ZNF385D: variants seen among roughly 807,000 people sequenced by gnomAD.
ZNF385D encodes the protein zinc finger protein 385D.
Under a neutral mutation model 35.8 loss-of-function variants are expected in ZNF385D, and 15 were observed. That is an observed-to-expected ratio of 0.42 (90% CI 0.28 to 0.64). The LOEUF is 0.64. ZNF385D is among the 30% of genes least tolerant of loss of function. The pLI is 0.23. For synonymous variants in ZNF385D, 212 were observed against 186.8 expected (o/e 1.13, Z -1.10); for missense variants, 474 against 494.6 (o/e 0.96, Z 0.39).
intron 3 of ZNF385D, among the ~76,000 whole-genome samples, chr3:21,819,473 T>C (rs1043948051): frequency 3.3e-5 from 5 of 151,212 alleles, no homozygotes; most frequent in African/African-American, 1.2e-4. Flanking sequence ...GGGCTGTTAA[T>C]TAACACAATA....
At chr3:22,318,232 T>C (rs535764179) in intron 2 of ZNF385D, among the ~76,000 whole-genome samples, 3 of 152,180 alleles carry the variant, frequency 2.0e-5, no homozygotes, top group East Asian at 1.9e-4. Flanking sequence ...CAAATAAAGA[T>C]TGAATTTTGA....
At chr3:21,702,268 C>T (rs1431458681) in intron 1 of ZNF385D, among the ~76,000 whole-genome samples, 1 of 152,214 alleles carries the variant, frequency 6.6e-6, no homozygotes, top group East Asian at 1.9e-4. Flanking sequence ...AGGCTTAACA[C>T]CACATAGAAG....
intron 2 of ZNF385D, among the ~76,000 whole-genome samples, chr3:22,242,520 A>G (rs1699553811): frequency 6.6e-6 from 1 of 150,898 alleles, no homozygotes; most frequent in Non-Finnish European, 1.5e-5. Flanking sequence ...TCTAATTATG[A>G]GAAAAAAAAA....
chr3:22,302,716 C>G (rs1333118189), intron 2 of ZNF385D, among the ~76,000 whole-genome samples: 1 of 151,940 alleles, frequency 6.6e-6, no homozygotes, highest in Non-Finnish European at 1.5e-5. Context: ...ATATTGTATT[C>G]TTGCACATGG....
chr3:22,276,688 C>G (rs1559493695), intron 2 of ZNF385D, among the ~76,000 whole-genome samples: 2 of 152,090 alleles, frequency 1.3e-5, no homozygotes. Flanking sequence ...ATCGGTGATA[C>G]AAGTGTCCAC....
At chr3:22,228,669 T>C (rs1174726561) in intron 2 of ZNF385D, among the ~76,000 whole-genome samples, 2 of 152,192 alleles carry the variant, frequency 1.3e-5, no homozygotes, top group Non-Finnish European at 2.9e-5. Context: ...TGGGTGGGTC[T>C]GTGAGGGTGT....
intron 3 of ZNF385D, among the ~76,000 whole-genome samples, chr3:21,856,872 C>T (rs1386814254): frequency 1.3e-5 from 2 of 151,984 alleles, no homozygotes; most frequent in African/African-American, 4.8e-5. Context: ...AAGGTGATTC[C>T]AAATCACTGT....
intron 2 of ZNF385D, among the ~76,000 whole-genome samples, chr3:22,191,976 T>G (rs909199624): frequency 6.6e-6 from 1 of 152,178 alleles, no homozygotes; most frequent in African/African-American, 2.4e-5. Flanking sequence ...TCTGTCTTGT[T>G]TAGGAATTGA....
intron 1 of ZNF385D, among the ~76,000 whole-genome samples, chr3:21,668,101 G>T (rs549092238): frequency 2.5e-4 from 38 of 152,086 alleles, no homozygotes; most frequent in Non-Finnish European, 4.7e-4. Context: ...GATGCTGTGG[G>T]TCTGATTCCC....
chr3:22,077,861 A>T (rs2695621), intron 3 of ZNF385D, among the ~76,000 whole-genome samples: 81,603 of 151,558 alleles, frequency 0.54, 22,451 homozygotes, highest in Middle Eastern at 0.57. Flanking sequence ...TTCATTTTCC[A>T]TGTGAGACAC....
intron 2 of ZNF385D, among the ~76,000 whole-genome samples, chr3:22,229,648 T>TG (rs572128089): frequency 1.7e-3 from 257 of 152,318 alleles, no homozygotes; most frequent in African/African-American, 5.9e-3. Context: ...ACAACTCCCT[T>TG]GCTCAAGCCA....
rs998624367 is a variant in ZNF385D at position 21,617,161 on chromosome 3, G to A, written c.165+47725C>T. 4.6e-5 allele frequency among the ~76,000 whole-genome samples: 7 copies of A among 152,152 alleles called. No individual in the cohort carries two copies. The East Asian group carries it at 1.3e-3, about 29-fold the overall frequency. ...TAAGTATTAGAGAATTCTGGCTTCT[G>A]TAGCCACTAAAGGTACAAAATTTTC... On this transcript the variant is annotated intron_variant, in intron 2 of 7. Coordinates refer to ENST00000281523, the MANE Select transcript of ZNF385D (RefSeq NM_024697.3).
intron 3 of ZNF385D, among the ~76,000 whole-genome samples, chr3:21,956,379 T>C (rs1244447391): frequency 6.6e-6 from 1 of 151,898 alleles, no homozygotes; most frequent in African/African-American, 2.4e-5. Context: ...TATTTTATAA[T>C]ATAATAGTAA....
intron 3 of ZNF385D, among the ~76,000 whole-genome samples, chr3:21,854,219 G>T (rs1242453744): frequency 1.3e-5 from 2 of 151,814 alleles, no homozygotes; most frequent in African/African-American, 2.4e-5. Context: ...ATCCTTAAAG[G>T]AGAGCTTTTG....
chr3:22,093,086 T>G (rs991255442), intron 3 of ZNF385D, among the ~76,000 whole-genome samples: 5 of 152,028 alleles, frequency 3.3e-5, no homozygotes, highest in Admixed American at 2.0e-4. Context: ...AGAGTGTGGA[T>G]AGTGGGAGAA....
intron 3 of ZNF385D, among the ~76,000 whole-genome samples, chr3:21,920,893 A>T (rs960011305): frequency 1.3e-5 from 2 of 152,060 alleles, no homozygotes; most frequent in African/African-American, 4.8e-5. Flanking sequence ...TTAAAATATG[A>T]ACATTTAAAA....
intron 4 of ZNF385D, among the ~76,000 whole-genome samples, chr3:21,441,335 A>T (rs750236517): frequency 7.9e-4 from 120 of 152,270 alleles, no homozygotes; most frequent in Non-Finnish European, 1.6e-3. Context: ...CAACATTTGC[A>T]TTATCATCAT....
chr3:21,556,014 TAAG>T (rs1434349021), intron 3 of ZNF385D, among the ~76,000 whole-genome samples: 6 of 151,954 alleles, frequency 3.9e-5, no homozygotes, highest in Non-Finnish European at 7.4e-5. Flanking sequence ...TGTCTTCTCT[TAAG>T]AAGTGTCTGT....
chr3:21,834,856 C>T (rs981869786), intron 3 of ZNF385D, among the ~76,000 whole-genome samples: 1 of 152,042 alleles, frequency 6.6e-6, no homozygotes, highest in Non-Finnish European at 1.5e-5. Context: ...GTGGTACTTC[C>T]CCCTTGTGAA....
Sources: gnomAD v4.1 joint callset for allele counts (sites outside exome capture counted in the v4.1 genomes callset) on GRCh38, gnomAD v4.1.1 for gene constraint, MANE v1.5 for transcripts, NCBI Gene and HGNC (gene_info 2026-07-23, HGNC 2026-07-21) for gene names.